Variants in EGFL7 observed in about 807,000 individuals in gnomAD.
EGFL7 encodes EGF like domain multiple 7.
A neutral mutation model predicts 37.1 loss-of-function variants in EGFL7; 48 were observed. The observed-to-expected ratio is 1.29, with a 90% CI of 1.03 to 1.65. EGFL7 has a LOEUF of 1.65. Among genes scored for constraint, EGFL7 ranks in the 40% most tolerant of loss-of-function variants. The pLI, the probability that EGFL7 is intolerant of heterozygous loss-of-function variation, is 0.00. For synonymous variants in EGFL7, 180 were observed against 156.8 expected (o/e 1.15, Z -1.10); for missense variants, 384 against 378.9 (o/e 1.01, Z -0.11).
chr9:136,661,708 G>A (rs935402962), upstream of EGFL7, among the ~76,000 whole-genome samples: 5 of 152,190 alleles, frequency 3.3e-5, no homozygotes, highest in African/African-American at 1.2e-4. Flanking sequence ...TTGAGGGGGA[G>A]GCGCATCGCG....
upstream of EGFL7, chr9:136,659,436 G>C: frequency 6.5e-6 from 1 of 152,956 alleles, no homozygotes; most frequent in East Asian, 1.9e-4. Flanking sequence ...GGCTCCCGCG[G>C]CCGCGCCTGG....
chr9:136,667,431 C>T (rs1036153932), intron 3 of EGFL7, among the ~76,000 whole-genome samples: 1 of 152,206 alleles, frequency 6.6e-6, no homozygotes, highest in African/African-American at 2.4e-5. Flanking sequence ...TCCCCATCCC[C>T]GGCATTGCCA....
chr9:136,663,126 T>C lies in EGFL7; in HGVS notation c.-353+18T>C, dbSNP rs1213918051. 1.3e-5 allele frequency: 2 copies of C among 152,706 alleles called. No individual in the cohort carries two copies. Among genetic ancestry groups the C allele is most frequent in the Non-Finnish European group, 2.9e-5 (2 of 68,422 alleles). The allele number at this position is 152,706 out of a possible 1,614,324, so 9.5% of individuals were successfully genotyped here. A position where few individuals can be genotyped will look rare whatever the true frequency, so the allele number is the denominator to read the frequency against. On this transcript the variant is annotated intron_variant, in intron 1 of 10. Transcript: ENST00000308874. ...AGCATCAGGTATGGCAGGGGTGGCC[T>C]CGGAGGGGCAGGGAGCGGACAGGGC...
chr9:136,671,537 C>CG (rs1159368191), intron 9 of EGFL7, among the ~76,000 whole-genome samples: 1 of 151,714 alleles, frequency 6.6e-6, no homozygotes, highest in African/African-American at 2.4e-5. Context: ...TGACCAGGAC[C>CG]CCCCAGGGCC....
At chr9:136,672,191 G>C in intron 10 of EGFL7, 73 bp from the exon 11 acceptor site, 1 of 1,610,612 alleles carries the variant, frequency 6.2e-7, no homozygotes. Context: ...AGGCCAAGGG[G>C]CCAGTCAGAT....
In EGFL7 at chr9:136,671,998, G is replaced by A. The variant is rs370929489; in HGVS notation, c.709G>A (p.Gly237Ser). ...QALEHGLPDP[G>S]SLLVHSFQQL... ...ACTGGAGCATGGGCTCCCGGACCCC[G>A]GCAGCCTCCTGGTGCACTCCTTCCA... Residue 237 changes from glycine (G) to serine (S), a missense_variant, in exon 10 of 11, where the codon GGC becomes AGC. Coordinates refer to ENST00000308874, the MANE Select transcript of EGFL7 (RefSeq NM_016215.5). 24 of 1,543,246 alleles carry A rather than the reference G, an allele frequency of 1.6e-5. No homozygotes were observed. The highest frequency in any genetic ancestry group is 5.9e-5 in the Admixed American group (3 of 50,968).
At position 136,670,336 on chromosome 9, in the gene EGFL7, C is replaced by T; in HGVS notation, c.571+6C>T. 1 of 1,556,712 alleles carries T rather than the reference C, an allele frequency of 6.4e-7. No homozygotes were observed. The highest frequency in any genetic ancestry group is 8.7e-7 in the Non-Finnish European group (1 of 1,148,252). ...GGTGGCCCCCAACCCGACAGGTAAA[C>T]AGCCCTGGCTGTGCCTGGCCTGGGG... On this transcript the variant is annotated splice_donor_region_variant and intron_variant, in intron 8 of 10. Coordinates refer to ENST00000308874, the MANE Select transcript of EGFL7 (RefSeq NM_016215.5).
Position 136,672,572 on chromosome 9 carries a change from C to G in EGFL7, c.*286C>G, listed in dbSNP as rs1588258179. On this transcript the variant is annotated 3_prime_UTR_variant, in exon 11 of 11. Transcript: ENST00000308874. ...CTCAGCTGAGGGAAGGTACGAGCTC[C>G]CTGCTGGAGCCTGGGACCCATGGCA... The G allele has an allele frequency of 8.8e-6, 5 of 565,868 alleles. No homozygotes were observed. Among genetic ancestry groups the G allele is most frequent in the African/African-American group, 3.8e-5 (2 of 53,322 alleles). The allele number at this position is 565,868 out of a possible 1,614,324, so 35.1% of individuals were successfully genotyped here. A position where few individuals can be genotyped will look rare whatever the true frequency, so the allele number is the denominator to read the frequency against.
intron 9 of EGFL7, 98 bp downstream of exon 9, chr9:136,671,112 C>G (rs1845844978): frequency 1.0e-6 from 1 of 983,300 alleles, no homozygotes; most frequent in Non-Finnish European, 1.4e-6. Flanking sequence ...GGTGAACCTG[C>G]TGGAGGAGGT....
In EGFL7 at chr9:136,670,199, G is replaced by A; in HGVS notation, c.440G>A (p.Gly147Asp). The change falls in exon 8 of 11, where the codon GGC becomes GAC. Residue 147 changes from glycine (G) to aspartate (D), a missense_variant. Transcript: ENST00000308874. ...GATGAATGCAGTGCTAGGAGGGGCG[G>A]CTGTCCCCAGCGCTGCGTCAACACC... Reference protein sequence around the residue: ...DVDECSARRGGCPQRCVNTAG... With the variant: ...DVDECSARRGDCPQRCVNTAG... 1 of 1,612,628 alleles carries A rather than the reference G, an allele frequency of 6.2e-7. No homozygotes were observed. The highest frequency in any genetic ancestry group is 1.1e-5 in the South Asian group (1 of 91,068).
intron 3 of EGFL7, among the ~76,000 whole-genome samples, chr9:136,668,017 CCT>C (rs1554751430): frequency 7.9e-5 from 12 of 152,320 alleles, no homozygotes; most frequent in African/African-American, 2.4e-4. Flanking sequence ...CGTCACCCCC[CCT>C]GTGCCCCCAG....
chr9:136,670,609 G>A (rs1478864765), intron 8 of EGFL7: 2 of 774,512 alleles, frequency 2.6e-6, no homozygotes, highest in Admixed American at 1.7e-5. Context: ...CTCCGCTGGC[G>A]ACGGGACATT....
Position 136,668,300 on chromosome 9 carries a change from G to A in EGFL7, c.18G>A (p.Glu6=), listed in dbSNP as rs1845606387. ...CACAGGCCATGAGGGGCTCTCAGGA[G>A]GTGCTGCTGATGTGGCTTCTGGTGT... MRGSQ[E]VLLMWLLVLA... The change falls in exon 4 of 11, where the codon GAG becomes GAA. Residue 6 remains glutamate (E), a synonymous_variant. Transcript: ENST00000308874. The A allele has an allele frequency of 1.2e-6, 2 of 1,607,728 alleles. No homozygotes were observed. Among genetic ancestry groups the A allele is most frequent in the South Asian group, 1.1e-5 (1 of 90,130 alleles).
rs1343718818 is a variant in EGFL7 at position 136,672,554 on chromosome 9, G to A, written c.*268G>A. 5 of 588,408 alleles carry A rather than the reference G, an allele frequency of 8.5e-6. No homozygotes were observed. In the East Asian group the frequency reaches 1.4e-4, roughly 16 times the overall value. 36.4% of individuals were successfully genotyped at this position (588,408 alleles called of 1,614,324 possible). Reference sequence around the variant, plus strand: ...CCCAAGGCCAGGTGGGCCCTCAGCTGAGGGAAGGTACGAGCTCCCTGCTGG... The same window carrying A: ...CCCAAGGCCAGGTGGGCCCTCAGCTAAGGGAAGGTACGAGCTCCCTGCTGG... On this transcript the variant is annotated 3_prime_UTR_variant, in exon 11 of 11. Transcript: ENST00000308874.
rs112969162 is a variant in EGFL7, at chr9:136,669,429, G to T, written c.198-177G>T. Among the ~76,000 whole-genome samples the T allele has an allele frequency of 2.0e-5, 3 of 152,344 alleles. No individual in the cohort carries two copies. In the South Asian group the frequency reaches 6.2e-4, roughly 32 times the overall value. ...TGTGGCTTGAGTCCCGGCCAGCACC[G>T]GAAGGCCCAGGCAGGGAAACGGCTG... On this transcript the variant is annotated intron_variant, in intron 5 of 10. Transcript: ENST00000308874.
chr9:136,669,461 G>C (rs1440107090), intron 5 of EGFL7, 145 bp from the exon 6 acceptor site: 2 of 626,350 alleles, frequency 3.2e-6, no homozygotes, highest in Non-Finnish European at 2.8e-6. Flanking sequence ...GCTGTGCAGT[G>C]ACCCCTCAGT....
At position 136,670,922 on chromosome 9, in the gene EGFL7, G is replaced by A. The variant is rs753698917; in HGVS notation, c.572-28G>A. 36 of 1,548,124 alleles carry A rather than the reference G, an allele frequency of 2.3e-5. No individual in the cohort carries two copies. The East Asian group carries it at 4.8e-4, about 21-fold the overall frequency. The stretch of plus-strand genomic sequence containing the variant: ...GGTGTGGGTGGGGAGCCGGCCGGCC[G>A]TGACCCAGCGCCTGGCTCTGCCCGC... On this transcript the variant is annotated intron_variant, in intron 8 of 10. Transcript: ENST00000308874.
Position 136,671,158 on chromosome 9 carries a change from G to A in EGFL7, c.636+144G>A, listed in dbSNP as rs575184126. On this transcript the variant is annotated intron_variant, in intron 9 of 10. Coordinates refer to ENST00000308874, the MANE Select transcript of EGFL7 (RefSeq NM_016215.5). ...GGGGGTAGGCAGGCAGTCCAGGGTG[G>A]ACCTGCTGGAGGAGGTGAGGCGTCG... The A allele has an allele frequency of 8.5e-5, 48 of 562,234 alleles. No homozygotes were observed. In the African/African-American group the frequency reaches 9.0e-4, roughly 11 times the overall value. The allele number at this position is 562,234 out of a possible 1,614,324, so 34.8% of individuals were successfully genotyped here.
At chr9:136,670,379 A>T (rs948620369) in intron 8 of EGFL7, 49 bp downstream of exon 8, 6 of 1,500,960 alleles carry the variant, frequency 4.0e-6, no homozygotes, top group African/African-American at 1.4e-5. Context: ...CAGGCAGTGG[A>T]CATTGCCGTG....
Sources: gnomAD v4.1 joint callset for allele counts (sites outside exome capture counted in the v4.1 genomes callset) on GRCh38, gnomAD v4.1.1 for gene constraint, MANE v1.5 for transcripts, NCBI Gene and HGNC (gene_info 2026-07-23, HGNC 2026-07-21) for gene names.